LZTS3: variants seen among roughly 807,000 people sequenced by gnomAD.
The protein encoded by LZTS3 is leucine zipper putative tumor suppressor 3.
In LZTS3, 16 loss-of-function variants were observed where a neutral mutation model predicts 50.9. That is an observed-to-expected ratio of 0.31 (90% CI 0.21 to 0.48). LZTS3 has a LOEUF of 0.48. LZTS3 is among the 20% of genes least tolerant of loss of function. LZTS3 has a pLI of 0.99. For missense variants in LZTS3, 816 were observed against 931.0 expected, an observed-to-expected ratio of 0.88 and a Z score of 1.61; for synonymous variants, 408 against 410.6, an observed-to-expected ratio of 0.99 and a Z score of 0.08.
At chr20:3,169,879 TAAAAAAAAA>T (rs34415260) in intron 1 of LZTS3, among the ~76,000 whole-genome samples, 3 of 62,482 alleles carry the variant, frequency 4.8e-5, no homozygotes, top group Non-Finnish European at 8.1e-5. Flanking sequence ...ACTCTTTCCT[TAAAAAAAAA>T]AAAAAAAAAA....
At position 3,165,614 on chromosome 20, in the gene LZTS3, C is replaced by A; in HGVS notation, c.1206G>T (p.Gln402His). 1 of 1,596,770 alleles carries A rather than the reference C, an allele frequency of 6.3e-7. No homozygotes were observed. Among genetic ancestry groups the A allele is most frequent in the African/African-American group, 1.3e-5 (1 of 75,026 alleles). Residue 402 changes from glutamine (Q) to histidine (H), a missense_variant, in exon 4 of 5, where the codon CAG becomes CAT. Around this residue, in one of 3 missense-constraint regions of LZTS3, gnomAD observed 700 missense variants for 769.4 expected, o/e 0.91. Coordinates refer to ENST00000337576, the MANE Select transcript of LZTS3 (RefSeq NM_001365618.1). The surrounding 1 kb of genome is among the most constrained non-coding windows in gnomAD (Gnocchi z 5.0). ...TCAGCCGGGCCGCCTCCTCCTGCAG[C>A]TGCTTCTTGTCCTGCTGCAGCCGCA... Reference protein sequence around the residue: ...QVLRLQQDKKQLQEEAARLMR... With the variant: ...QVLRLQQDKKHLQEEAARLMR...
In LZTS3 at chr20:3,165,635, C is replaced by G; in HGVS notation, c.1185G>C (p.Arg395=). The G allele has an allele frequency of 6.3e-7, 1 of 1,595,738 alleles. No homozygotes were observed. Among genetic ancestry groups the G allele is most frequent in the African/African-American group, 1.3e-5 (1 of 74,992 alleles). The part of the protein sequence containing the change: ...AQQGLQLQVL[R]LQQDKKQLQE... ...GCAGCTGCTTCTTGTCCTGCTGCAG[C>G]CGCAACACCTGCAGCTGTAGGCCCT... The change falls in exon 4 of 5, where the codon CGG becomes CGC. Residue 395 remains arginine (R), a synonymous_variant. Coordinates refer to ENST00000337576, the MANE Select transcript of LZTS3 (RefSeq NM_001365618.1). The surrounding 1 kb of genome is among the most constrained non-coding windows in gnomAD (Gnocchi z 5.0).
Position 3,165,423 on chromosome 20 carries a change from A to T in LZTS3, c.1323+74T>A. 3.5e-6 allele frequency: 3 copies of T among 861,504 alleles called. No homozygotes were observed. The highest frequency in any genetic ancestry group is 1.6e-5 in the South Asian group (1 of 61,620). The allele number at this position is 861,504 out of a possible 1,614,324, so 53.4% of individuals were successfully genotyped here. ...CCCCCATCCCACCGTTATGATAGTG[A>T]GGGGCAACTGCTCTGGGGTTTCCCA... On this transcript the variant is annotated intron_variant, in intron 4 of 4. Coordinates refer to ENST00000337576, the MANE Select transcript of LZTS3 (RefSeq NM_001365618.1). The surrounding 1 kb of genome is among the most constrained non-coding windows in gnomAD (Gnocchi z 5.0).
chr20:3,171,900 C>A (rs991750305), intron 1 of LZTS3, among the ~76,000 whole-genome samples: 1 of 152,186 alleles, frequency 6.6e-6, no homozygotes, highest in Non-Finnish European at 1.5e-5. Flanking sequence ...GCATTATACA[C>A]AGTATTAGCG....
Position 3,165,651 on chromosome 20 carries a change from T to A in LZTS3, c.1169A>T (p.Gln390Leu). The change falls in exon 4 of 5, where the codon CAG becomes CTG. Residue 390 changes from glutamine (Q) to leucine (L), a missense_variant. Transcript: ENST00000337576. This position sits in a 1 kb window ranked among gnomAD's most constrained non-coding sequence, Gnocchi z 5.0. ...RRAQRAQQGLQLQVLRLQQDK... is the reference protein window; with the variant it reads ...RRAQRAQQGLLLQVLRLQQDK... ...CTGCTGCAGCCGCAACACCTGCAGCTGTAGGCCCTGCTGGGCGCGCTGGGC... is the reference window on the plus strand; with the variant it reads ...CTGCTGCAGCCGCAACACCTGCAGCAGTAGGCCCTGCTGGGCGCGCTGGGC... 1 of 1,594,090 alleles carries A rather than the reference T, an allele frequency of 6.3e-7. No individual in the cohort carries two copies. The highest frequency in any genetic ancestry group is 8.5e-7 in the Non-Finnish European group (1 of 1,177,374).
At position 3,165,917 on chromosome 20, in the gene LZTS3, C is replaced by T; in HGVS notation, c.903G>A (p.Glu301=). Reference sequence around the variant, plus strand: ...CGAAAGGCAGGCCTCCACCTCCGCCCTCCCCAGAGCCCAGGTGGCCTGGCC... The same window carrying T: ...CGAAAGGCAGGCCTCCACCTCCGCCTTCCCCAGAGCCCAGGTGGCCTGGCC... ...MGRPGHLGSG[E]GGGGGLPFAA... is the part of the protein sequence containing the mutation. The change falls in exon 4 of 5, where the codon GAG becomes GAA. Residue 301 remains glutamate, a synonymous_variant. Coordinates refer to ENST00000337576, the MANE Select transcript of LZTS3 (RefSeq NM_001365618.1). The surrounding 1 kb of genome is among the most constrained non-coding windows in gnomAD (Gnocchi z 5.0). The T allele has an allele frequency of 1.2e-6, 2 of 1,610,824 alleles. No homozygotes were observed. Among genetic ancestry groups the T allele is most frequent in the Non-Finnish European group, 1.7e-6 (2 of 1,179,926 alleles).
Position 3,162,782 on chromosome 20 carries a change from T to C in LZTS3, c.*1672A>G, listed in dbSNP as rs1237438441. ...GTTCATATTTTTTTCTATTTTTTTC[T>C]TACTAATGCCTTCTCTTCTCCCTGC... On this transcript the variant is annotated 3_prime_UTR_variant, in exon 5 of 5. Coordinates refer to ENST00000337576, the MANE Select transcript of LZTS3 (RefSeq NM_001365618.1). The surrounding 1 kb of genome is among the most constrained non-coding windows in gnomAD (Gnocchi z 5.0). 3 of 152,462 alleles carry C rather than the reference T, an allele frequency of 2.0e-5. No individual in the cohort carries two copies. Among genetic ancestry groups the C allele is most frequent in the African/African-American group, 7.2e-5 (3 of 41,444 alleles). 9.4% of individuals were successfully genotyped at this position (152,462 alleles called of 1,614,324 possible).
Position 3,164,256 on chromosome 20 carries a change from G to C in LZTS3, c.*198C>G. On this transcript the variant is annotated 3_prime_UTR_variant, in exon 5 of 5. Coordinates refer to ENST00000337576, the MANE Select transcript of LZTS3 (RefSeq NM_001365618.1). ...CCTCCTATTCCCTCCTTTTAGGGGG[G>C]TCCAAGTGGGCTGCCACGGGGGCAG... The C allele has an allele frequency of 2.0e-6, 1 of 509,652 alleles. No homozygotes were observed. The highest frequency in any genetic ancestry group is 3.3e-6 in the Non-Finnish European group (1 of 306,342). 31.6% of individuals were successfully genotyped at this position (509,652 alleles called of 1,614,324 possible).
chr20:3,166,921 C>G lies in LZTS3; in HGVS notation c.243G>C (p.Glu81Asp). 1.2e-6 allele frequency: 2 copies of G among 1,611,150 alleles called. No homozygotes were observed. Among genetic ancestry groups the G allele is most frequent in the South Asian group, 1.1e-5 (1 of 91,026 alleles). The change falls in exon 3 of 5, where the codon GAG (glutamate) becomes GAC (aspartate). Residue 81 changes from glutamate (E) to aspartate (D), a missense_variant. Coordinates refer to ENST00000337576, the MANE Select transcript of LZTS3 (RefSeq NM_001365618.1). ...PRGSGSGASRERPGRYPSEDK... is the reference protein window; with the variant it reads ...PRGSGSGASRDRPGRYPSEDK... ...CCTCTGAGGGGTAGCGGCCCGGCCT[C>G]TCCCTGCTGGCCCCACTGCCACTGC...
chr20:3,164,952 G>T lies in LZTS3; in HGVS notation c.1524C>A (p.Gly508=). ...FSSKQASLEL[G]EGELPAACLK... is the part of the protein sequence containing the mutation. ...GGCAGGCGGCAGGCAGCTCGCCTTC[G>T]CCCAGCTCCAGGCTGGCCTGCTTGC... Residue 508 remains glycine, a synonymous_variant, in exon 5 of 5, where the codon GGC becomes GGA. Transcript: ENST00000337576. 2 of 1,554,082 alleles carry T rather than the reference G, an allele frequency of 1.3e-6. No individual in the cohort carries two copies. The highest frequency in any genetic ancestry group is 1.7e-6 in the Non-Finnish European group (2 of 1,155,824).
Position 3,170,486 on chromosome 20 carries a change from C to CAAAAAAAAAAAA in LZTS3, c.-242-2537_-242-2526dup, listed in dbSNP as rs397955055. 8.1e-4 allele frequency among the ~76,000 whole-genome samples: 59 copies of CAAAAAAAAAAAA among 72,552 alleles called. 3 individuals are homozygous for CAAAAAAAAAAAA. The highest frequency in any genetic ancestry group is 1.1e-3 in the Non-Finnish European group (46 of 42,186). The allele number at this position is 72,552 out of a possible 152,430, so 47.6% of individuals were successfully genotyped here. A position where few individuals can be genotyped will look rare whatever the true frequency, so the allele number is the denominator to read the frequency against. ...CCTGGAAGACAGAGCGAGACTACAT[C>CAAAAAAAAAAAA]AAAAAAAAAAAAAAAAAAAACAGGT... On this transcript the variant is annotated intron_variant, in intron 1 of 4. Coordinates refer to ENST00000337576, the MANE Select transcript of LZTS3 (RefSeq NM_001365618.1).
chr20:3,169,275 C>A (rs962880079), intron 1 of LZTS3, among the ~76,000 whole-genome samples: 2 of 152,212 alleles, frequency 1.3e-5, no homozygotes, highest in Non-Finnish European at 2.9e-5. Context: ...GCCCCCTATG[C>A]CTCAGCCCTG....
intron 1 of LZTS3, among the ~76,000 whole-genome samples, chr20:3,170,516 G>A (rs182366686): frequency 1.8e-3 from 207 of 113,504 alleles, no homozygotes; most frequent in Middle Eastern, 6.8e-3. Context: ...ACAGGTTGGC[G>A]CGGTGGCTTA....
Position 3,166,008 on chromosome 20 carries a change from T to C in LZTS3, c.812A>G (p.Gln271Arg), listed in dbSNP as rs764039925. Residue 271 changes from glutamine to arginine, a missense_variant, in exon 4 of 5, where the codon CAG becomes CGG. Gln to Arg is a conservative substitution (Grantham distance 43, BLOSUM62 1). Around this residue, in one of 3 missense-constraint regions of LZTS3, gnomAD observed 700 missense variants for 769.4 expected, o/e 0.91. Transcript: ENST00000337576. ...GGSSGGGSGY[Q>R]DLGTSDSGRA... ...TCCACTATCGGAGGTCCCCAGGTCC[T>C]GGTAGCCCGACCCCCCACCGCTGCT... The C allele has an allele frequency of 5.6e-6, 9 of 1,613,190 alleles. No individual in the cohort carries two copies. The highest frequency in any genetic ancestry group is 6.8e-6 in the Non-Finnish European group (8 of 1,179,880).
Position 3,164,578 on chromosome 20 carries a change from A to C in LZTS3, c.1898T>G (p.Leu633Arg). 1 of 1,611,298 alleles carries C rather than the reference A, an allele frequency of 6.2e-7. No individual in the cohort carries two copies. Among genetic ancestry groups the C allele is most frequent in the South Asian group, 1.1e-5 (1 of 90,558 alleles). ...CCCGCGCTCCCGCAGCCTGCGCTCC[A>C]GCTGCTGGTTGCGCTGGTACATCTC... The part of the protein sequence containing the change: ...YVEMYQRNQQ[L>R]ERRLRERGAA... Residue 633 changes from leucine (L) to arginine (R), a missense_variant, in exon 5 of 5, where the codon CTG (leucine) becomes CGG (arginine). Transcript: ENST00000337576.
rs201973300 is a variant in LZTS3 at position 3,165,392 on chromosome 20, TC to T, written c.1323+104del. 56,347 of 810,194 alleles carry T rather than the reference TC, an allele frequency of 0.07. 4,112 individuals carry two copies. The highest frequency in any genetic ancestry group is 0.47 in the East Asian group (13,425 of 28,420). 50.2% of individuals were successfully genotyped at this position (810,194 alleles called of 1,614,324 possible). A position where few individuals can be genotyped will look rare whatever the true frequency, so the allele number is the denominator to read the frequency against. On this transcript the variant is annotated intron_variant, in intron 4 of 4. Transcript: ENST00000337576. The surrounding 1 kb of genome is among the most constrained non-coding windows in gnomAD (Gnocchi z 5.0). Reference sequence around the variant, plus strand: ...ATTTTTGTCCCCCCTGCTCCTTTCATCCCCCCCCCCATCCCACCGTTATGAT... The same window carrying T: ...ATTTTTGTCCCCCCTGCTCCTTTCATCCCCCCCCCATCCCACCGTTATGAT...
chr20:3,165,071 C>T lies in LZTS3; in HGVS notation c.1405G>A (p.Glu469Lys). The change falls in exon 5 of 5, where the codon GAG becomes AAG. Residue 469 changes from glutamate (E) to lysine (K), a missense_variant. By Grantham distance (56) the Glu-to-Lys change is moderately conservative. This residue lies in a region of LZTS3 where 700 missense variants were observed against 769.4 expected (regional missense o/e 0.91). Transcript: ENST00000337576. The surrounding 1 kb of genome is among the most constrained non-coding windows in gnomAD (Gnocchi z 5.0). ...SQADVSQKLS[E>K]IVGLRSQLRE... ...AGCTGCGAGCGCAGTCCCACGATCT[C>T]ACTCAACTTCTGCGACACATCCGCC... The T allele has an allele frequency of 6.3e-7, 1 of 1,589,786 alleles. No individual in the cohort carries two copies. The highest frequency in any genetic ancestry group is 8.6e-7 in the Non-Finnish European group (1 of 1,169,466).
In LZTS3 at chr20:3,170,496, A is replaced by AAACAAAAC. The variant is rs1391362284; in HGVS notation, c.-242-2536_-242-2535insGTTTTGTT. The stretch of plus-strand genomic sequence containing the variant: ...AGAGCGAGACTACATCAAAAAAAAA[A>AAACAAAAC]AAAAAAAAAACAGGTTGGCGCGGTG... On this transcript the variant is annotated intron_variant, in intron 1 of 4. Coordinates refer to ENST00000337576, the MANE Select transcript of LZTS3 (RefSeq NM_001365618.1). 4.3e-4 allele frequency among the ~76,000 whole-genome samples: 64 copies of AAACAAAAC among 149,796 alleles called. 2 individuals are homozygous for AAACAAAAC. Among genetic ancestry groups the AAACAAAAC allele is most frequent in the Admixed American group, 3.4e-3 (51 of 15,030 alleles).
rs764852784 is a variant in LZTS3, at chr20:3,165,668, G to A, written c.1152C>T (p.Arg384=). Reference sequence around the variant, plus strand: ...CCTGCAGCTGTAGGCCCTGCTGGGCGCGCTGGGCACGTCGGGCCACCTGCT... The same window carrying A: ...CCTGCAGCTGTAGGCCCTGCTGGGCACGCTGGGCACGTCGGGCCACCTGCT... The part of the protein sequence containing the change: ...KLQQVARRAQ[R]AQQGLQLQVL... The change falls in exon 4 of 5, where the codon CGC becomes CGT. Residue 384 remains arginine, a synonymous_variant. Coordinates refer to ENST00000337576, the MANE Select transcript of LZTS3 (RefSeq NM_001365618.1). The surrounding 1 kb of genome is among the most constrained non-coding windows in gnomAD (Gnocchi z 5.0). 33 of 1,588,518 alleles carry A rather than the reference G, an allele frequency of 2.1e-5. No homozygotes were observed. The Admixed American group carries it at 4.4e-4, about 21-fold the overall frequency.
Sources: allele counts gnomAD v4.1 joint callset (sites outside exome capture counted in the v4.1 genomes callset), GRCh38; gene constraint gnomAD v4.1.1; regional missense constraint gnomAD v4.1.1; non-coding constraint Gnocchi (gnomAD v3.1); transcripts MANE v1.5; gene names NCBI Gene and HGNC (gene_info 2026-07-23, HGNC 2026-07-21).